Variants in DNMBP observed in about 807,000 individuals in gnomAD.
DNMBP encodes the protein dynamin binding protein.
DNMBP carries 87 observed loss-of-function variants against 150.0 expected under a neutral mutation model. The observed-to-expected ratio is 0.58, with a 90% CI of 0.49 to 0.69. The LOEUF (loss-of-function observed/expected upper bound fraction) is 0.69, where lower values mean the gene tolerates loss of function less well. Ranked by LOEUF, DNMBP falls within the 30% of genes least tolerant of loss-of-function variation. DNMBP has a pLI of 0.00. For synonymous variants in DNMBP, 711 were observed against 750.4 expected (o/e 0.95, Z 0.86); for missense variants, 1,774 against 1,949.0 (o/e 0.91, Z 1.69).
At chr10:99,998,093 G>C (rs12255542) in intron 1 of DNMBP, among the ~76,000 whole-genome samples, 6,197 of 151,664 alleles carry the variant, frequency 0.041, 134 homozygotes, top group South Asian at 0.06. Context: ...AAATTAGCCA[G>C]GCGTGGTGGC....
chr10:99,989,012 T>C (rs2040857872), intron 1 of DNMBP, among the ~76,000 whole-genome samples: 1 of 152,150 alleles, frequency 6.6e-6, no homozygotes, highest in African/African-American at 2.4e-5. Context: ...ATATTCAAAC[T>C]TTTTCAGCTA....
At chr10:99,972,760 AC>A (rs1247035041) in intron 1 of DNMBP, among the ~76,000 whole-genome samples, 1 of 152,084 alleles carries the variant, frequency 6.6e-6, no homozygotes, top group Admixed American at 6.6e-5. Context: ...ACAGGCGCAC[AC>A]CACTGTGCCT....
At chr10:99,963,873 G>A (rs1589441468) in intron 3 of DNMBP, among the ~76,000 whole-genome samples, 1 of 151,680 alleles carries the variant, frequency 6.6e-6, no homozygotes, top group African/African-American at 2.4e-5. Flanking sequence ...TTTTATTCAG[G>A]TTTCCATACG....
intron 2 of DNMBP, among the ~76,000 whole-genome samples, chr10:99,971,311 T>TTTCC (rs71009794): frequency 0.46 from 69,743 of 150,592 alleles, 17,145 homozygotes; most frequent in African/African-American, 0.63. Context: ...CTTTCTTTTC[T>TTTCC]TTCCTTCCTT....
At chr10:99,886,985 A>G (rs1430368853) in intron 12 of DNMBP, among the ~76,000 whole-genome samples, 1 of 152,200 alleles carries the variant, frequency 6.6e-6, no homozygotes, top group Non-Finnish European at 1.5e-5. Context: ...TATTATGTGT[A>G]CATGTCTACA....
At chr10:99,915,923 A>G (rs1201903817) in intron 4 of DNMBP, among the ~76,000 whole-genome samples, 1 of 152,188 alleles carries the variant, frequency 6.6e-6, no homozygotes, top group African/African-American at 2.4e-5. Flanking sequence ...CTCTTTACCA[A>G]TAGCTATTCT....
At chr10:99,885,302 A>G (rs1013478969) in intron 14 of DNMBP, among the ~76,000 whole-genome samples, 1 of 152,198 alleles carries the variant, frequency 6.6e-6, no homozygotes, top group African/African-American at 2.4e-5. Context: ...CAAGGTCAAG[A>G]GATCGAGACC....
chr10:99,921,371 TACAC>T (rs941508113), intron 4 of DNMBP, among the ~76,000 whole-genome samples: 1 of 152,222 alleles, frequency 6.6e-6, no homozygotes, highest in Non-Finnish European at 1.5e-5. Context: ...TAACTTCTGA[TACAC>T]ACATTCTGGG....
chr10:99,918,206 A>AC (rs971608738), intron 4 of DNMBP, among the ~76,000 whole-genome samples: 7 of 151,252 alleles, frequency 4.6e-5, no homozygotes, highest in African/African-American at 1.5e-4. Context: ...AGCCCACCCA[A>AC]CCCCCACTGC....
intron 7 of DNMBP, 41 bp from the exon 8 acceptor site, chr10:99,898,801 TAGAG>T (rs773076027): frequency 7.9e-5 from 125 of 1,582,734 alleles, no homozygotes; most frequent in African/African-American, 1.2e-4. Context: ...GACAGTTTAT[TAGAG>T]AGAGAATCTT....
chr10:99,917,917 CAA>C (rs1450769523), intron 4 of DNMBP, among the ~76,000 whole-genome samples: 10 of 139,444 alleles, frequency 7.2e-5, no homozygotes, highest in African/African-American at 2.7e-4. Flanking sequence ...TGCATTGAGC[CAA>C]GATCGTGCCA....
At chr10:100,001,416 T>G (rs1217256299) in intron 1 of DNMBP, among the ~76,000 whole-genome samples, 7 of 140,676 alleles carry the variant, frequency 5.0e-5, no homozygotes, top group South Asian at 2.3e-4. Context: ...TGTTGTTGTT[T>G]TTTTTTTTTT....
At chr10:99,909,254 T>C (rs1263917053) in intron 4 of DNMBP, 108 bp from the exon 5 acceptor site, 2 of 825,944 alleles carry the variant, frequency 2.4e-6, no homozygotes, top group Non-Finnish European at 3.7e-6. Context: ...GTCTCACTAT[T>C]GTCAACCCTC....
At chr10:99,887,999 T>G in intron 12 of DNMBP, among the ~76,000 whole-genome samples, 1 of 151,990 alleles carries the variant, frequency 6.6e-6, no homozygotes, top group African/African-American at 2.4e-5. Flanking sequence ...TAATTTTGTA[T>G]TTTTAGTAGA....
At chr10:99,879,741 C>T in intron 16 of DNMBP, 70 bp downstream of exon 16, 3 of 1,578,898 alleles carry the variant, frequency 1.9e-6, no homozygotes, top group African/African-American at 1.3e-5. Context: ...ACTTCTGCCT[C>T]ACCCCCGCTG....
chr10:99,885,563 C>T (rs41290512), intron 14 of DNMBP, 124 bp downstream of exon 14: 32,046 of 938,306 alleles, frequency 0.034, 721 homozygotes, highest in South Asian at 0.082. Flanking sequence ...GAGAATGCAA[C>T]ACTATTCTCC....
At chr10:100,001,192 C>A (rs1446124366) in intron 1 of DNMBP, among the ~76,000 whole-genome samples, 3 of 118,908 alleles carry the variant, frequency 2.5e-5, no homozygotes, top group African/African-American at 9.5e-5. Flanking sequence ...GATGGCACCA[C>A]TGCACTCCAG....
chr10:99,986,974 G>A (rs1269130241), intron 1 of DNMBP, among the ~76,000 whole-genome samples: 1 of 151,828 alleles, frequency 6.6e-6, no homozygotes, highest in Non-Finnish European at 1.5e-5. Context: ...CTAACACGGT[G>A]AAACCCCGTC....
At chr10:99,946,949 G>A (rs1364830813) in intron 4 of DNMBP, among the ~76,000 whole-genome samples, 1 of 152,120 alleles carries the variant, frequency 6.6e-6, no homozygotes, top group African/African-American at 2.4e-5. Context: ...CATACAAGTG[G>A]CCAACAAATA....
Sources: allele counts gnomAD v4.1 joint callset (sites outside exome capture counted in the v4.1 genomes callset), GRCh38; gene constraint gnomAD v4.1.1; transcripts MANE v1.5; gene names NCBI Gene and HGNC (gene_info 2026-07-23, HGNC 2026-07-21).